The following CR1 variants were observed in gnomAD, a reference collection of about 807,000 sequenced individuals.
CR1 encodes the protein complement receptor type 1.
Under a neutral mutation model 187.3 loss-of-function variants are expected in CR1, and 116 were observed. That is an observed-to-expected ratio of 0.62 (90% CI 0.53 to 0.72). The LOEUF (loss-of-function observed/expected upper bound fraction) is 0.72, where lower values mean the gene tolerates loss of function less well. CR1 is among the 30% of genes least tolerant of loss of function. CR1 has a pLI of 0.00. For synonymous variants in CR1, 576 were observed against 747.1 expected (o/e 0.77, Z 3.73); for missense variants, 1,731 against 2,110.7 (o/e 0.82, Z 3.52).
At chr1:207,620,135 G>C in intron 43 of CR1, 70 bp downstream of exon 43, 2 of 1,471,964 alleles carry the variant, frequency 1.4e-6, no homozygotes, top group Non-Finnish European at 9.2e-7. Flanking sequence ...ATCCATATTG[G>C]CATCAAGTGT....
chr1:207,623,573 A>G (rs1662381890), intron 45 of CR1, among the ~76,000 whole-genome samples: 1 of 150,240 alleles, frequency 6.7e-6, no homozygotes, highest in Admixed American at 6.7e-5. Flanking sequence ...TGACAGAGTG[A>G]GACTACATCT....
chr1:207,618,943 G>A lies in CR1; in HGVS notation c.7066+696G>A, dbSNP rs139029738. Among the ~76,000 whole-genome samples the A allele has an allele frequency of 3.7e-3, 547 of 147,290 alleles. 28 individuals are homozygous for A. In the East Asian group the frequency reaches 0.092, roughly 25 times the overall value. Reference sequence around the variant, plus strand: ...AGTCCCAGCTACTCGTGAGGCTGAGGCATGAGAATCACTTGAACCCAGAGG... The same window carrying A: ...AGTCCCAGCTACTCGTGAGGCTGAGACATGAGAATCACTTGAACCCAGAGG... On this transcript the variant is annotated intron_variant, in intron 42 of 46. Coordinates refer to ENST00000367049, the MANE Select transcript of CR1 (RefSeq NM_000651.6).
At chr1:207,634,015 G>A (rs1021127874) in intron 46 of CR1, among the ~76,000 whole-genome samples, 2 of 152,100 alleles carry the variant, frequency 1.3e-5, no homozygotes, top group Non-Finnish European at 2.9e-5. Context: ...CTTTCACAAG[G>A]TAATGTCATC....
intron 24 of CR1, among the ~76,000 whole-genome samples, chr1:207,566,395 C>T (rs1571538357): frequency 6.7e-6 from 1 of 149,984 alleles, no homozygotes; most frequent in South Asian, 2.1e-4. Context: ...AAATATTGAA[C>T]ATGGCTTTAT....
intron 35 of CR1, among the ~76,000 whole-genome samples, chr1:207,593,021 A>G (rs1268178690): frequency 6.7e-6 from 1 of 149,698 alleles, no homozygotes; most frequent in East Asian, 2.0e-4. Context: ...CATACTGCCC[A>G]AGGTAATTTA....
chr1:207,593,102 A>AAAAAAAAAAAC (rs1439487338), intron 35 of CR1, among the ~76,000 whole-genome samples: 2 of 151,508 alleles, frequency 1.3e-5, no homozygotes, highest in African/African-American at 4.9e-5. Flanking sequence ...AAAAAAAAAA[A>AAAAAAAAAAAC]ACTACTTTAA....
chr1:207,576,819 C>CA (rs554774694), intron 28 of CR1, among the ~76,000 whole-genome samples: 41 of 149,074 alleles, frequency 2.8e-4, no homozygotes, highest in African/African-American at 7.4e-4. Context: ...GACCTTGTCT[C>CA]AAAAAAAAAT....
At chr1:207,523,551 A>G in intron 4 of CR1, 60 bp from the exon 5 acceptor site, 1 of 1,604,532 alleles carries the variant, frequency 6.2e-7, no homozygotes, top group Non-Finnish European at 8.5e-7. Context: ...GTGACTCATG[A>G]GATTTCTGTC....
intron 43 of CR1, among the ~76,000 whole-genome samples, chr1:207,620,336 C>T (rs1034224002): frequency 4.6e-5 from 7 of 152,190 alleles, no homozygotes; most frequent in Admixed American, 1.3e-4. Flanking sequence ...TTACAGCCTA[C>T]GAGCCTTACA....
At chr1:207,506,191 A>C (rs755175548) in intron 2 of CR1, 108 bp downstream of exon 2, 20 of 1,287,388 alleles carry the variant, frequency 1.6e-5, no homozygotes, top group Admixed American at 8.1e-5. Flanking sequence ...TAGTTTGCCA[A>C]GGTGCAATAC....
At chr1:207,511,771 C>A in intron 4 of CR1, 117 bp downstream of exon 4, 3 of 949,110 alleles carry the variant, frequency 3.2e-6, no homozygotes, top group Non-Finnish European at 4.7e-6. Context: ...CGGCTGAAGA[C>A]TGCGGTAATG....
chr1:207,515,067 G>GTATATATGTATATATACA (rs1659749391), intron 4 of CR1, among the ~76,000 whole-genome samples: 4 of 134,612 alleles, frequency 3.0e-5, no homozygotes, highest in Non-Finnish European at 4.8e-5. Context: ...GTATATATAC[G>GTATATATGTATATATACA]TATATACGTA....
intron 40 of CR1, among the ~76,000 whole-genome samples, chr1:207,615,491 TAAATA>T (rs1370451112): frequency 6.6e-6 from 1 of 152,164 alleles, no homozygotes; most frequent in Non-Finnish European, 1.5e-5. Flanking sequence ...ACCATCCGCT[TAAATA>T]AAATATGCCA....
chr1:207,511,846 T>C (rs1335843866), intron 4 of CR1, among the ~76,000 whole-genome samples, 192 bp downstream of exon 4: 1 of 152,210 alleles, frequency 6.6e-6, no homozygotes, highest in East Asian at 1.9e-4. Flanking sequence ...TCCTGGGATG[T>C]GTCTTTTCTA....
At chr1:207,521,157 A>G (rs1324262524) in intron 4 of CR1, among the ~76,000 whole-genome samples, 1 of 151,554 alleles carries the variant, frequency 6.6e-6, no homozygotes, top group Non-Finnish European at 1.5e-5. Flanking sequence ...TTACCCTTTT[A>G]GTAGAGATGG....
rs755057022 is a variant in CR1, at chr1:207,523,751, G to A, written c.628G>A (p.Glu210Lys). The A allele has an allele frequency of 9.3e-6, 15 of 1,612,174 alleles. 1 individual carries two copies. The South Asian group carries it at 1.6e-4, about 18-fold the overall frequency. ...GGRKVFELVG[E>K]PSIYCTSNDD... is the part of the protein sequence containing the mutation. Reference sequence around the variant, plus strand: ...GAGAAAGGTGTTTGAGCTTGTGGGTGAGCCCTCCATATACTGCACCAGCAA... The same window carrying A: ...GAGAAAGGTGTTTGAGCTTGTGGGTAAGCCCTCCATATACTGCACCAGCAA... Residue 210 changes from glutamate (E) to lysine (K), a missense_variant, in exon 5 of 47, where the codon GAG (glutamate) becomes AAG (lysine). Physicochemically the swap from Glu to Lys is moderately conservative, Grantham distance 56 (BLOSUM62 1). Transcript: ENST00000367049.
intron 24 of CR1, 92 bp downstream of exon 24, chr1:207,566,015 T>G: frequency 4.0e-6 from 6 of 1,500,642 alleles, no homozygotes; most frequent in Non-Finnish European, 5.5e-6. Context: ...TTCTTCAATA[T>G]TCTAGTCTTA....
intron 3 of CR1, among the ~76,000 whole-genome samples, chr1:207,508,954 C>G (rs1024021736): frequency 1.3e-5 from 2 of 152,138 alleles, no homozygotes; most frequent in African/African-American, 4.8e-5. Context: ...AGTGCTGACC[C>G]CATTCATTTG....
At chr1:207,498,159 C>T (rs191849298) in intron 1 of CR1, among the ~76,000 whole-genome samples, 13 of 152,278 alleles carry the variant, frequency 8.5e-5, no homozygotes, top group African/African-American at 2.2e-4. Flanking sequence ...CTGAGAGAGA[C>T]GTTTTGAAAA....
Sources: allele counts gnomAD v4.1 joint callset (sites outside exome capture counted in the v4.1 genomes callset), GRCh38; gene constraint gnomAD v4.1.1; transcripts MANE v1.5; gene names NCBI Gene and HGNC (gene_info 2026-07-23, HGNC 2026-07-21).